The following VPS50 variants were observed in gnomAD, a reference collection of about 807,000 sequenced individuals.
VPS50 encodes the protein syndetin.
VPS50 carries 70 observed loss-of-function variants against 139.7 expected under a neutral mutation model. That is an observed-to-expected ratio of 0.50 (90% confidence interval 0.41 to 0.61). The LOEUF (loss-of-function observed/expected upper bound fraction) is 0.61, where lower values mean the gene tolerates loss of function less well. Ranked by LOEUF, VPS50 falls within the 20% of genes least tolerant of loss-of-function variation. The probability of loss-of-function intolerance (pLI) is 0.00; values close to 1 mark genes in which losing one functional copy is unlikely to be tolerated. For missense variants in VPS50, 921 were observed against 1,133.7 expected, an observed-to-expected ratio of 0.81 and a Z score of 2.69; for synonymous variants, 365 against 376.7, an observed-to-expected ratio of 0.97 and a Z score of 0.36.
intron 11 of VPS50, among the ~76,000 whole-genome samples, chr7:93,275,227 T>C (rs1777637890): frequency 6.6e-6 from 1 of 152,188 alleles, no homozygotes; most frequent in Non-Finnish European, 1.5e-5. Flanking sequence ...GGATATTACA[T>C]AAACTTAGTT....
intron 23 of VPS50, among the ~76,000 whole-genome samples, chr7:93,347,283 C>G (rs1243130840): frequency 1.5e-5 from 2 of 135,528 alleles, no homozygotes; most frequent in Non-Finnish European, 3.1e-5. Context: ...GAGATACCAT[C>G]TCACACCAGT....
At chr7:93,319,718 A>G (rs897269031) in intron 20 of VPS50, among the ~76,000 whole-genome samples, 12 of 152,160 alleles carry the variant, frequency 7.9e-5, no homozygotes, top group East Asian at 1.9e-4. Context: ...GTGTTCCTCA[A>G]CTATTACTGA....
intron 19 of VPS50, among the ~76,000 whole-genome samples, chr7:93,309,794 G>A (rs959088096): frequency 6.6e-6 from 1 of 151,836 alleles, no homozygotes; most frequent in Non-Finnish European, 1.5e-5. Context: ...AAAATGACTT[G>A]ATTTCATGAC....
At chr7:93,326,997 G>A (rs11982792) in intron 21 of VPS50, among the ~76,000 whole-genome samples, 6,925 of 152,204 alleles carry the variant, frequency 0.045, 548 homozygotes, top group African/African-American at 0.16. Context: ...TATAAAGTAT[G>A]TATTAATTCA....
At chr7:93,234,469 G>A (rs1794739039) in intron 1 of VPS50, among the ~76,000 whole-genome samples, 1 of 152,112 alleles carries the variant, frequency 6.6e-6, no homozygotes, top group Admixed American at 6.5e-5. Context: ...GTAAAATTAG[G>A]AGTTTTGCAT....
intron 9 of VPS50, among the ~76,000 whole-genome samples, chr7:93,266,078 C>T (rs1221743263): frequency 6.6e-6 from 1 of 152,146 alleles, no homozygotes; most frequent in African/African-American, 2.4e-5. Context: ...TTCTCTGCTT[C>T]CTGTAAGTAG....
intron 9 of VPS50, among the ~76,000 whole-genome samples, chr7:93,263,810 G>A (rs1400394691): frequency 6.6e-6 from 1 of 151,742 alleles, no homozygotes; most frequent in African/African-American, 2.4e-5. Flanking sequence ...CTGTGTCTCT[G>A]GATTCAACCA....
intron 12 of VPS50, among the ~76,000 whole-genome samples, chr7:93,287,009 T>A (rs200827609): frequency 0.2 from 27,485 of 140,062 alleles, 3,524 homozygotes; most frequent in East Asian, 0.4. Flanking sequence ...TTTTTTTTTT[T>A]AAAAAAAAAA....
intron 16 of VPS50, 134 bp downstream of exon 16, chr7:93,297,377 T>A: frequency 1.0e-6 from 1 of 984,094 alleles, no homozygotes; most frequent in Non-Finnish European, 1.3e-6. Context: ...TTTTTTAAGA[T>A]GGTTAAGGAT....
chr7:93,355,629 C>T (rs796724786), intron 26 of VPS50, among the ~76,000 whole-genome samples: 2 of 152,112 alleles, frequency 1.3e-5, no homozygotes, highest in South Asian at 4.1e-4. Context: ...ATACAGAGAT[C>T]CGTGGTCTGT....
intron 24 of VPS50, among the ~76,000 whole-genome samples, chr7:93,349,567 A>T (rs1210865084): frequency 1.3e-5 from 2 of 152,160 alleles, no homozygotes; most frequent in African/African-American, 4.8e-5. Context: ...GACATCATGT[A>T]GTGGGAGTGG....
In VPS50 at chr7:93,334,134, C is replaced by A; in HGVS notation, c.1995C>A (p.Leu665=). Reference sequence around the variant, plus strand: ...TTTTTCAGTTGGAATCAACTGGACTCGGCCTTAGTAGTAGTAGACTAAGAA... The same window carrying A: ...TTTTTCAGTTGGAATCAACTGGACTAGGCCTTAGTAGTAGTAGACTAAGAA... ...GRNDSLESTG[L]GLSSSRLRTT... The change falls in exon 22 of 28, where the codon CTC becomes CTA. Residue 665 remains leucine, a synonymous_variant. Transcript: ENST00000305866. 1 of 1,594,088 alleles carries A rather than the reference C, an allele frequency of 6.3e-7. No individual in the cohort carries two copies. Among genetic ancestry groups the A allele is most frequent in the South Asian group, 1.1e-5 (1 of 89,348 alleles).
intron 27 of VPS50, among the ~76,000 whole-genome samples, chr7:93,357,334 A>T (rs1798735001): frequency 6.6e-6 from 1 of 152,228 alleles, no homozygotes; most frequent in African/African-American, 2.4e-5. Flanking sequence ...AAAGAGCTTT[A>T]ACTGATTGAT....
chr7:93,288,119 A>C (rs530620290), intron 12 of VPS50, among the ~76,000 whole-genome samples: 2 of 152,140 alleles, frequency 1.3e-5, no homozygotes, highest in South Asian at 2.1e-4. Context: ...AAACCATCAG[A>C]TCTCATGAGA....
At chr7:93,288,841 G>C (rs1206066210) in intron 12 of VPS50, among the ~76,000 whole-genome samples, 1 of 152,122 alleles carries the variant, frequency 6.6e-6, no homozygotes, top group Admixed American at 6.6e-5. Context: ...ACATTTACTA[G>C]TGAGAAGGGA....
At chr7:93,263,336 A>G (rs1402468446) in intron 9 of VPS50, among the ~76,000 whole-genome samples, 2 of 152,220 alleles carry the variant, frequency 1.3e-5, no homozygotes, top group African/African-American at 4.8e-5. Flanking sequence ...ATTTATATCT[A>G]TTCTAATTCT....
intron 21 of VPS50, among the ~76,000 whole-genome samples, chr7:93,333,305 A>G (rs1797987847): frequency 6.6e-6 from 1 of 152,128 alleles, no homozygotes; most frequent in Admixed American, 6.6e-5. Flanking sequence ...GGAATAATAA[A>G]TGTTCATGTA....
chr7:93,334,799 C>A (rs1418632212), intron 22 of VPS50, among the ~76,000 whole-genome samples: 2 of 152,182 alleles, frequency 1.3e-5, no homozygotes, highest in Non-Finnish European at 2.9e-5. Context: ...GGGTTGACCT[C>A]CTGTACTGTT....
intron 12 of VPS50, among the ~76,000 whole-genome samples, chr7:93,280,720 A>T (rs1342944174): frequency 6.6e-6 from 1 of 152,050 alleles, no homozygotes; most frequent in Non-Finnish European, 1.5e-5. Context: ...CAAGATGCTA[A>T]TTAGGATGTT....
Sources: gnomAD v4.1 joint callset for allele counts (sites outside exome capture counted in the v4.1 genomes callset) on GRCh38, gnomAD v4.1.1 for gene constraint, MANE v1.5 for transcripts, NCBI Gene and HGNC (gene_info 2026-07-23, HGNC 2026-07-21) for gene names.